The following SGCD variants were observed in gnomAD, a reference collection of about 807,000 sequenced individuals.
SGCD encodes the protein sarcoglycan delta.
SGCD carries 18 observed loss-of-function variants against 36.6 expected under a neutral mutation model. The ratio of observed to expected loss-of-function variants is 0.49; its 90% CI spans 0.34 to 0.73. SGCD has a LOEUF of 0.73. Among genes scored for constraint, SGCD ranks in the 30% least tolerant of loss-of-function variants. SGCD has a pLI of 0.01. For missense variants in SGCD, 387 were observed against 346.7 expected, an observed-to-expected ratio of 1.12 and a Z score of -0.92; for synonymous variants, 133 against 130.6, an observed-to-expected ratio of 1.02 and a Z score of -0.12.
chr5:156,528,142 G>A (rs1408670801), intron 4 of SGCD, among the ~76,000 whole-genome samples: 1 of 152,136 alleles, frequency 6.6e-6, no homozygotes, highest in Non-Finnish European at 1.5e-5. Flanking sequence ...AGCAGGATCT[G>A]GAATACCAAC....
At chr5:156,438,093 G>A (rs78312162) in intron 3 of SGCD, among the ~76,000 whole-genome samples, 2,080 of 152,288 alleles carry the variant, frequency 0.014, 22 homozygotes, top group Non-Finnish European at 0.023. Context: ...AAGTATCTCC[G>A]TTAGGGTTTT....
the SGCD span, among the ~76,000 whole-genome samples, chr5:155,825,763 T>G: frequency 4.6e-5 from 7 of 152,004 alleles, no homozygotes; most frequent in Middle Eastern, 3.4e-3. Context: ...TGTTGTTGTT[T>G]TTTGAGACAG....
At chr5:156,028,120 A>G (rs1391011085) in intron 1 of SGCD, among the ~76,000 whole-genome samples, 3 of 152,122 alleles carry the variant, frequency 2.0e-5, no homozygotes, top group Non-Finnish European at 2.9e-5. Flanking sequence ...AGCTAATAGC[A>G]CTCTCTCTAA....
intron 1 of SGCD, among the ~76,000 whole-genome samples, chr5:155,890,999 C>G (rs999714382): frequency 6.6e-6 from 1 of 152,170 alleles, no homozygotes; most frequent in African/African-American, 2.4e-5. Context: ...CAAAAAAAGA[C>G]TGGGTTGTCC....
intron 1 of SGCD, among the ~76,000 whole-genome samples, chr5:155,884,236 T>G (rs1265522164): frequency 6.6e-6 from 1 of 152,330 alleles, no homozygotes; most frequent in East Asian, 1.9e-4. Flanking sequence ...TGCTTTTGTA[T>G]ACTTTCAAGC....
chr5:155,754,110 G>A, the SGCD span, among the ~76,000 whole-genome samples: 1 of 152,102 alleles, frequency 6.6e-6, no homozygotes, highest in Non-Finnish European at 1.5e-5. Flanking sequence ...GCCAAATGTT[G>A]TGGAAACAGA....
chr5:156,680,430 T>C (rs1753676299), intron 7 of SGCD, among the ~76,000 whole-genome samples: 1 of 152,204 alleles, frequency 6.6e-6, no homozygotes, highest in African/African-American at 2.4e-5. Context: ...TACCAGGGAC[T>C]TAACCTCTCT....
rs543337271 is a variant in SGCD, at chr5:156,139,018, T to C, written c.-44+14999T>C. ...ATTCAAGTCTTTTGCCCAATTTTTATTGGATTGTTTACCTTTTTATTATTG... is the reference window on the plus strand; with the variant it reads ...ATTCAAGTCTTTTGCCCAATTTTTACTGGATTGTTTACCTTTTTATTATTG... On this transcript the variant is annotated intron_variant, in intron 3 of 9. Coordinates refer to the SGCD transcript ENST00000517913. Among the ~76,000 whole-genome samples the C allele has an allele frequency of 1.6e-3, 250 of 152,370 alleles. 1 individual carries two copies. The highest frequency in any genetic ancestry group is 5.7e-3 in the African/African-American group (237 of 41,582).
At chr5:156,327,596 ACTGT>A (rs1462118976) in intron 1 of SGCD, among the ~76,000 whole-genome samples, 7 of 152,180 alleles carry the variant, frequency 4.6e-5, no homozygotes, top group East Asian at 1.9e-4. Flanking sequence ...TTCAGATGAA[ACTGT>A]CTGTGTGTTT....
At chr5:156,445,969 A>G (rs1753740646) in intron 3 of SGCD, among the ~76,000 whole-genome samples, 1 of 152,086 alleles carries the variant, frequency 6.6e-6, no homozygotes, top group Non-Finnish European at 1.5e-5. Context: ...GGGAGAGAAA[A>G]ATGTAAAAAT....
intron 3 of SGCD, among the ~76,000 whole-genome samples, chr5:156,309,932 C>A (rs1436802257): frequency 6.6e-6 from 1 of 151,936 alleles, no homozygotes. Flanking sequence ...CATTGTATGT[C>A]GTATAATTTT....
At chr5:156,590,870 C>T (rs1031687750) in intron 5 of SGCD, among the ~76,000 whole-genome samples, 3 of 151,384 alleles carry the variant, frequency 2.0e-5, no homozygotes, top group African/African-American at 7.3e-5. Context: ...TTTCCTTCCC[C>T]TTCTCTCTTC....
At chr5:155,843,899 T>C in the SGCD span, among the ~76,000 whole-genome samples, 1 of 152,130 alleles carries the variant, frequency 6.6e-6, no homozygotes, top group African/African-American at 2.4e-5. Flanking sequence ...CCTGTATATT[T>C]TTCTAATAAA....
intron 4 of SGCD, among the ~76,000 whole-genome samples, chr5:156,513,238 T>G (rs1269963425): frequency 6.6e-6 from 1 of 152,198 alleles, no homozygotes; most frequent in East Asian, 1.9e-4. Flanking sequence ...AAACTGGGGT[T>G]CTGGTATTAA....
chr5:155,983,207 T>A (rs888770499), intron 1 of SGCD, among the ~76,000 whole-genome samples: 1 of 152,230 alleles, frequency 6.6e-6, no homozygotes, highest in Non-Finnish European at 1.5e-5. Flanking sequence ...TAATCATATA[T>A]GTTAGATCCT....
the SGCD span, among the ~76,000 whole-genome samples, chr5:155,855,848 G>C: frequency 4.6e-5 from 7 of 152,136 alleles, no homozygotes; most frequent in Non-Finnish European, 8.8e-5. Context: ...GGGCAGGAGA[G>C]AGCTGCACAG....
chr5:156,145,290 C>G (rs1169983427), intron 3 of SGCD, among the ~76,000 whole-genome samples: 1 of 152,200 alleles, frequency 6.6e-6, no homozygotes, highest in Non-Finnish European at 1.5e-5. Context: ...TCCCCCTTCT[C>G]CTTCTGTCAT....
At chr5:156,074,007 G>A (rs1389296391) in intron 1 of SGCD, among the ~76,000 whole-genome samples, 2 of 152,192 alleles carry the variant, frequency 1.3e-5, no homozygotes, top group Non-Finnish European at 2.9e-5. Context: ...AAGTAAATGA[G>A]TAGAAGTAGA....
intron 3 of SGCD, among the ~76,000 whole-genome samples, chr5:156,373,556 T>G (rs574703504): frequency 6.6e-5 from 10 of 152,336 alleles, no homozygotes; most frequent in African/African-American, 1.9e-4. Flanking sequence ...AAGCATTTAT[T>G]ACCCAGAAGA....
Sources: allele counts gnomAD v4.1 joint callset (sites outside exome capture counted in the v4.1 genomes callset), GRCh38; gene constraint gnomAD v4.1.1; transcripts MANE v1.5; gene names NCBI Gene and HGNC (gene_info 2026-07-23, HGNC 2026-07-21).